The following WDR41 variants were observed in gnomAD, a reference collection of about 807,000 sequenced individuals.
WDR41 encodes the protein WD repeat domain 41, also known as WD repeat-containing protein 41.
A neutral mutation model predicts 69.3 loss-of-function variants in WDR41; 63 were observed. That is an observed-to-expected ratio of 0.91 (90% CI 0.74 to 1.12). WDR41 has a LOEUF of 1.12. Ranked by LOEUF, WDR41 falls within the 50% of genes most tolerant of loss-of-function variation. The probability of loss-of-function intolerance (pLI) is 0.00; values close to 1 mark genes in which losing one functional copy is unlikely to be tolerated. For synonymous variants in WDR41, 185 were observed against 192.1 expected (o/e 0.96, Z 0.31); for missense variants, 543 against 534.5 (o/e 1.02, Z -0.16).
chr5:77,493,853 C>T (rs1378265222), upstream of WDR41, among the ~76,000 whole-genome samples: 1 of 152,156 alleles, frequency 6.6e-6, no homozygotes, highest in East Asian at 1.9e-4. Flanking sequence ...TTAGGGTTTG[C>T]CCAATGCCAC....
At chr5:77,619,414 CA>C (rs1460001141) in intron 1 of WDR41, among the ~76,000 whole-genome samples, 2 of 152,324 alleles carry the variant, frequency 1.3e-5, no homozygotes, top group Non-Finnish European at 2.9e-5. Flanking sequence ...TTCATTGTCT[CA>C]ACCTATCCCT....
intron 1 of WDR41, among the ~76,000 whole-genome samples, chr5:77,490,048 G>T (rs1243399867): frequency 6.6e-6 from 1 of 152,046 alleles, no homozygotes; most frequent in Non-Finnish European, 1.5e-5. Flanking sequence ...ATGAAGGCAT[G>T]AAATCAACTC....
intron 6 of WDR41, 56 bp downstream of exon 6, chr5:77,453,761 C>T: frequency 7.2e-7 from 1 of 1,386,698 alleles, no homozygotes; most frequent in Non-Finnish European, 1.0e-6. Flanking sequence ...CTCTGAAGAT[C>T]TGCTGTGTCT....
chr5:77,544,845 C>G (rs913645563), intron 1 of WDR41, among the ~76,000 whole-genome samples: 1 of 151,974 alleles, frequency 6.6e-6, no homozygotes, highest in Non-Finnish European at 1.5e-5. Flanking sequence ...CAGAACATTC[C>G]ATCCAACAAC....
At chr5:77,586,997 C>T (rs1251974260) in intron 1 of WDR41, among the ~76,000 whole-genome samples, 3 of 151,936 alleles carry the variant, frequency 2.0e-5, no homozygotes, top group African/African-American at 7.3e-5. Context: ...GGATTACAGG[C>T]GTGAGCCACC....
At chr5:77,478,238 C>G (rs1306591517) in intron 2 of WDR41, among the ~76,000 whole-genome samples, 1 of 152,178 alleles carries the variant, frequency 6.6e-6, no homozygotes, top group South Asian at 2.1e-4. Flanking sequence ...CCGAATTCTA[C>G]CAGTGGTACA....
intron 2 of WDR41, among the ~76,000 whole-genome samples, chr5:77,465,941 T>G (rs1800286739): frequency 6.6e-6 from 1 of 152,006 alleles, no homozygotes; most frequent in South Asian, 2.1e-4. Context: ...TTATCTTCAG[T>G]TTCAAAGTTC....
At chr5:77,507,558 A>G (rs1432682491) in intron 1 of WDR41, among the ~76,000 whole-genome samples, 5 of 152,130 alleles carry the variant, frequency 3.3e-5, no homozygotes, top group Non-Finnish European at 7.4e-5. Context: ...TCGCCTACCT[A>G]TATTGCCAAT....
rs578004043 is a variant in WDR41 at position 77,578,206 on chromosome 5, T to C, written c.42+42273A>G. Among the ~76,000 whole-genome samples, 7 of 152,262 alleles carry C rather than the reference T, an allele frequency of 4.6e-5. No homozygotes were observed. In the East Asian group the frequency reaches 1.3e-3, roughly 29 times the overall value. ...CAATTTGGATATATTTGCAGAGCAA[T>C]ACGTACCCCCAGGGATTTGGAGAAA... On this transcript the variant is annotated intron_variant, in intron 1 of 5. Transcript: ENST00000509971.
chr5:77,514,823 T>C (rs1298828679), intron 1 of WDR41, among the ~76,000 whole-genome samples: 1 of 152,150 alleles, frequency 6.6e-6, no homozygotes, highest in African/African-American at 2.4e-5. Flanking sequence ...TGTAACACAA[T>C]GGTAAGTATT....
At chr5:77,479,060 C>T (rs1303165128) in intron 2 of WDR41, among the ~76,000 whole-genome samples, 1 of 152,004 alleles carries the variant, frequency 6.6e-6, no homozygotes, top group Middle Eastern at 3.2e-3. Flanking sequence ...CATGAGTGAA[C>T]TCCCATTCAC....
chr5:77,547,527 CAA>C (rs370772709), intron 1 of WDR41, among the ~76,000 whole-genome samples: 4 of 120,914 alleles, frequency 3.3e-5, no homozygotes, highest in Admixed American at 8.4e-5. Flanking sequence ...ACAGTAGCTA[CAA>C]AAAAAAAAAA....
Position 77,453,910 on chromosome 5 carries a change from T to C in WDR41, c.430A>G (p.Arg144Gly). ...CCACCAGAAAGCCAAACATCTAGTC[T>C]CTGAAGAACAGTTAAACACTGCAAA... is the stretch of plus-strand genomic sequence containing the variant. ...STVKCLTVLQRLDVWLSGGND... is the reference protein window; with the variant it reads ...STVKCLTVLQGLDVWLSGGND... The change falls in exon 6 of 13, where the codon AGA becomes GGA. Residue 144 changes from arginine to glycine, a missense_variant. Physicochemically the swap from Arg to Gly is moderately radical, Grantham distance 125. Transcript: ENST00000296679. The C allele has an allele frequency of 6.2e-7, 1 of 1,614,072 alleles. No individual in the cohort carries two copies. The highest frequency in any genetic ancestry group is 8.5e-7 in the Non-Finnish European group (1 of 1,179,972).
At chr5:77,497,694 C>T (rs987979959) in intron 1 of WDR41, among the ~76,000 whole-genome samples, 1 of 152,032 alleles carries the variant, frequency 6.6e-6, no homozygotes, top group Non-Finnish European at 1.5e-5. Flanking sequence ...TTTAGCAACC[C>T]TCGAAAGTTA....
At chr5:77,518,103 A>G (rs1802318395) in intron 1 of WDR41, among the ~76,000 whole-genome samples, 1 of 151,998 alleles carries the variant, frequency 6.6e-6, no homozygotes, top group African/African-American at 2.4e-5. Context: ...GGTGTGACTA[A>G]CTCTTCTATG....
At chr5:77,563,793 T>C (rs1028087606) in intron 1 of WDR41, among the ~76,000 whole-genome samples, 52 of 152,272 alleles carry the variant, frequency 3.4e-4, no homozygotes, top group African/African-American at 1.3e-3. Context: ...GAATGCAAAA[T>C]TTTCATGAAT....
intron 1 of WDR41, among the ~76,000 whole-genome samples, chr5:77,521,483 A>G (rs1178645538): frequency 5.9e-5 from 9 of 152,228 alleles, no homozygotes; most frequent in African/African-American, 2.2e-4. Context: ...CTAGATGATT[A>G]TGGTGAAAAT....
chr5:77,453,292 T>G (rs986273499), intron 6 of WDR41, among the ~76,000 whole-genome samples: 8 of 152,198 alleles, frequency 5.3e-5, no homozygotes. Flanking sequence ...ATTTAAATAT[T>G]TTACTCTAAA....
intron 1 of WDR41, among the ~76,000 whole-genome samples, chr5:77,513,415 G>A (rs1180284191): frequency 1.3e-5 from 2 of 152,090 alleles, no homozygotes; most frequent in Admixed American, 6.6e-5. Context: ...TCTTTCTAGA[G>A]TAGAAAATAA....
Sources: allele counts gnomAD v4.1 joint callset (sites outside exome capture counted in the v4.1 genomes callset), GRCh38; gene constraint gnomAD v4.1.1; transcripts MANE v1.5; gene names NCBI Gene and HGNC (gene_info 2026-07-23, HGNC 2026-07-21).